ESYT2: variants seen among roughly 807,000 people sequenced by gnomAD.
The protein encoded by ESYT2 is extended synaptotagmin-2.
In ESYT2, 54 loss-of-function variants were observed where a neutral mutation model predicts 107.2. The ratio of observed to expected loss-of-function variants is 0.50; its 90% CI spans 0.40 to 0.63. The LOEUF is 0.63. Among genes scored for constraint, ESYT2 ranks in the 30% least tolerant of loss-of-function variants. ESYT2 has a pLI of 0.00. For synonymous variants in ESYT2, 491 were observed against 434.1 expected (o/e 1.13, Z -1.63); for missense variants, 1,020 against 1,094.5 (o/e 0.93, Z 0.96).
intron 1 of ESYT2, among the ~76,000 whole-genome samples, chr7:158,819,236 A>G (rs537918575): frequency 6.6e-6 from 1 of 152,368 alleles, no homozygotes; most frequent in Admixed American, 6.5e-5. Context: ...ACTGCCTTCC[A>G]AGGCCAGACT....
At position 158,765,763 on chromosome 7, in the gene ESYT2, A is replaced by C. The variant is rs111833046; in HGVS notation, c.925-910T>G. Among the ~76,000 whole-genome samples, 745 of 152,088 alleles carry C rather than the reference A, an allele frequency of 4.9e-3. 3 individuals carry two copies. Among genetic ancestry groups the C allele is most frequent in the African/African-American group, 0.017 (716 of 41,502 alleles). ...AATAAATAAATAAACGAACAAAAAA[A>C]CCAAATATAGTCCTTTCCCGAAAAT... On this transcript the variant is annotated intron_variant, in intron 8 of 22. Coordinates refer to ENST00000275418, the MANE Select transcript of ESYT2 (RefSeq NM_001367773.1).
intron 6 of ESYT2, among the ~76,000 whole-genome samples, chr7:158,786,454 G>A (rs1839119823): frequency 1.3e-5 from 2 of 152,172 alleles, no homozygotes; most frequent in Admixed American, 1.3e-4. Flanking sequence ...TAAATCTTAT[G>A]AATCTCTTAA....
intron 16 of ESYT2, chr7:158,744,268 A>G (rs1243897324): frequency 6.6e-6 from 1 of 152,268 alleles, no homozygotes; most frequent in Non-Finnish European, 1.5e-5. Context: ...ATAGATTACA[A>G]TGAGCACAGA....
chr7:158,754,203 A>G (rs910741390), intron 13 of ESYT2, among the ~76,000 whole-genome samples: 1 of 150,192 alleles, frequency 6.7e-6, no homozygotes, highest in African/African-American at 2.5e-5. Context: ...TTTTGTTTTT[A>G]TTTATTTATT....
At chr7:158,741,296 T>C (rs1837192395) in intron 18 of ESYT2, among the ~76,000 whole-genome samples, 1 of 152,232 alleles carries the variant, frequency 6.6e-6, no homozygotes, top group South Asian at 2.1e-4. Flanking sequence ...CACGTTCTAA[T>C]CTTTAATGAC....
Position 158,808,424 on chromosome 7 carries a change from T to C in ESYT2, c.331-9352A>G, listed in dbSNP as rs374762737. Among the ~76,000 whole-genome samples the C allele has an allele frequency of 2.2e-4, 34 of 152,342 alleles. 1 individual carries two copies. In the East Asian group the frequency reaches 2.9e-3, roughly 13 times the overall value. On this transcript the variant is annotated intron_variant, in intron 1 of 22. Transcript: ENST00000275418. ...TCATTTCAAGTCACCTTTATTTTAC[T>C]TAATGGCCCAAAACACACCAACAGT...
chr7:158,750,344 T>C lies in ESYT2; in HGVS notation c.1483-621A>G, dbSNP rs538507534. Among the ~76,000 whole-genome samples, 39 of 152,172 alleles carry C rather than the reference T, an allele frequency of 2.6e-4. 1 individual carries two copies. The highest frequency in any genetic ancestry group is 8.4e-4 in the African/African-American group (35 of 41,520). On this transcript the variant is annotated intron_variant, in intron 14 of 22. Coordinates refer to ENST00000275418, the MANE Select transcript of ESYT2 (RefSeq NM_001367773.1). ...CAGGACTAGGAAAAACGGTAAGAAG[T>C]ACACACTAGCACAGATAGTTGATAG...
At chr7:158,814,333 ATATATATATATATG>A (rs1231085687) in intron 1 of ESYT2, among the ~76,000 whole-genome samples, 241 of 6,568 alleles carry the variant, frequency 0.037, 26 homozygotes, top group South Asian at 0.071. Context: ...ATATATATAT[ATATATATATATATG>A]AAATAATATA....
intron 6 of ESYT2, 103 bp downstream of exon 6, chr7:158,787,901 G>A (rs1482014292): frequency 1.6e-5 from 14 of 864,866 alleles, no homozygotes; most frequent in Non-Finnish European, 2.5e-5. Flanking sequence ...AAGGGACAAC[G>A]GTGAGTTGAT....
chr7:158,808,253 G>A (rs371194411), intron 1 of ESYT2, among the ~76,000 whole-genome samples: 7 of 152,210 alleles, frequency 4.6e-5, no homozygotes, highest in African/African-American at 9.6e-5. Flanking sequence ...GTTTTAAACC[G>A]CATGCTGTTC....
rs67422901 is a variant in ESYT2 at position 158,809,474 on chromosome 7, C to CAAAAAAAAAA, written c.331-10412_331-10403dup. Among the ~76,000 whole-genome samples, 65 of 49,716 alleles carry CAAAAAAAAAA rather than the reference C, an allele frequency of 1.3e-3. 1 individual carries two copies. Among genetic ancestry groups the CAAAAAAAAAA allele is most frequent in the Non-Finnish European group, 1.8e-3 (54 of 29,980 alleles). 32.6% of individuals were successfully genotyped at this position (49,716 alleles called of 152,430 possible). A position where few individuals can be genotyped will look rare whatever the true frequency, so the allele number is the denominator to read the frequency against. On this transcript the variant is annotated intron_variant, in intron 1 of 22. Transcript: ENST00000275418. Reference sequence around the variant, plus strand: ...CTGGCTACAGAGTAAGAATCCATCTCAAAAAAAAAAAAAAAAAAAAAAACC... The same window carrying CAAAAAAAAAA: ...CTGGCTACAGAGTAAGAATCCATCTCAAAAAAAAAAAAAAAAAAAAAAAAAAAAAAAAACC...
intron 1 of ESYT2, among the ~76,000 whole-genome samples, chr7:158,824,276 C>T (rs1389089828): frequency 1.3e-5 from 2 of 152,176 alleles, no homozygotes; most frequent in Non-Finnish European, 2.9e-5. Flanking sequence ...CTTCCTCAAC[C>T]ACATGACCAC....
Position 158,829,319 on chromosome 7 carries a change from G to GCAGCTCCACGCT in ESYT2, c.88_99dup (p.Ser30_Leu33dup). ...CGCGCCAGCTGCGCCAGCAGCCCGGGCAGCTCCACGCTCAGCACGCCCCCG... is the reference window on the plus strand; with the variant it reads ...CGCGCCAGCTGCGCCAGCAGCCCGGGCAGCTCCACGCTCAGCTCCACGCTCAGCACGCCCCCG... On this transcript the variant is annotated inframe_insertion, in exon 1 of 23. Transcript: ENST00000275418. 3 of 1,492,922 alleles carry GCAGCTCCACGCT rather than the reference G, an allele frequency of 2.0e-6. No individual in the cohort carries two copies. Among genetic ancestry groups the GCAGCTCCACGCT allele is most frequent in the Non-Finnish European group, 2.7e-6 (3 of 1,129,874 alleles). The allele number at this position is 1,492,922 out of a possible 1,614,324, so 92.5% of individuals were successfully genotyped here.
At chr7:158,820,767 C>T (rs537345148) in intron 1 of ESYT2, among the ~76,000 whole-genome samples, 1 of 152,292 alleles carries the variant, frequency 6.6e-6, no homozygotes, top group Admixed American at 6.5e-5. Context: ...GTCTGGGCAA[C>T]AGAGCAAAAC....
intron 3 of ESYT2, among the ~76,000 whole-genome samples, chr7:158,794,389 G>C (rs1839399959): frequency 6.6e-6 from 1 of 152,212 alleles, no homozygotes; most frequent in African/African-American, 2.4e-5. Context: ...AGCTACTTAG[G>C]AGGCTGAGGT....
rs35930852 is a variant in ESYT2 at position 158,788,062 on chromosome 7, G to A, written c.689C>T (p.Pro230Leu). Residue 230 changes from proline to leucine, a missense_variant, in exon 6 of 23, where the codon CCG (proline) becomes CTG (leucine). Coordinates refer to ENST00000275418, the MANE Select transcript of ESYT2 (RefSeq NM_001367773.1). ...AACTAAGGGCATATCTCCAATCAACGGTTCCAGGATCACCCGCATGGTACC... is the reference window on the plus strand; with the variant it reads ...AACTAAGGGCATATCTCCAATCAACAGTTCCAGGATCACCCGCATGGTACC... ...IHGTMRVILE[P>L]LIGDMPLVGA... is the part of the protein sequence containing the mutation. 3 of 1,614,040 alleles carry A rather than the reference G, an allele frequency of 1.9e-6. No individual in the cohort carries two copies. The highest frequency in any genetic ancestry group is 2.7e-5 in the African/African-American group (2 of 75,032).
chr7:158,743,482 C>T (rs1344085831), intron 17 of ESYT2, 47 bp downstream of exon 17: 2 of 1,566,524 alleles, frequency 1.3e-6, no homozygotes, highest in Non-Finnish European at 1.7e-6. Flanking sequence ...CCTGCCAGCA[C>T]CCGCCTCCCC....
chr7:158,771,717 C>T (rs1267122449), intron 7 of ESYT2, among the ~76,000 whole-genome samples: 1 of 152,186 alleles, frequency 6.6e-6, no homozygotes, highest in Non-Finnish European at 1.5e-5. Flanking sequence ...TTCCAGCTGC[C>T]GAGCAGGAAA....
intron 1 of ESYT2, among the ~76,000 whole-genome samples, chr7:158,799,407 A>G (rs1422831045): frequency 2.0e-5 from 3 of 152,180 alleles, no homozygotes; most frequent in African/African-American, 7.2e-5. Context: ...TTAAAAAAAC[A>G]TGTTTCTAAT....
Sources: gnomAD v4.1 joint callset for allele counts (sites outside exome capture counted in the v4.1 genomes callset) on GRCh38, gnomAD v4.1.1 for gene constraint, MANE v1.5 for transcripts, NCBI Gene and HGNC (gene_info 2026-07-23, HGNC 2026-07-21) for gene names.